GPC5: variants seen among roughly 807,000 people sequenced by gnomAD.
GPC5 encodes glypican 5.
A neutral mutation model predicts 53.9 loss-of-function variants in GPC5; 47 were observed. The observed-to-expected ratio is 0.87, with a 90% CI of 0.69 to 1.11. The LOEUF (loss-of-function observed/expected upper bound fraction) is 1.11. Ranked by LOEUF, GPC5 falls within the 50% of genes most tolerant of loss-of-function variation. The probability of loss-of-function intolerance (pLI) is 0.00; values close to 1 mark genes in which losing one functional copy is unlikely to be tolerated. For missense variants in GPC5, 748 were observed against 713.1 expected (o/e 1.05, Z -0.56); for synonymous variants, 286 against 263.3 (o/e 1.09, Z -0.84).
chr13:91,928,258 C>A (rs1456260607), intron 6 of GPC5, among the ~76,000 whole-genome samples: 1 of 152,190 alleles, frequency 6.6e-6, no homozygotes, highest in Non-Finnish European at 1.5e-5. Context: ...CTTGGAGACA[C>A]TAGTTGAAGT....
chr13:92,356,135 T>A (rs1289674882), intron 7 of GPC5, among the ~76,000 whole-genome samples: 5 of 152,288 alleles, frequency 3.3e-5, no homozygotes, highest in Admixed American at 3.3e-4. Context: ...TCCAGTGTAC[T>A]CCTAATGTAT....
At chr13:92,152,713 T>C (rs1044800692) in intron 7 of GPC5, among the ~76,000 whole-genome samples, 2 of 137,592 alleles carry the variant, frequency 1.5e-5, no homozygotes, top group Non-Finnish European at 3.0e-5. Context: ...CATTCCAGCC[T>C]GGGCGACAGA....
chr13:92,025,691 G>A (rs771514014), intron 6 of GPC5, among the ~76,000 whole-genome samples: 1 of 152,102 alleles, frequency 6.6e-6, no homozygotes, highest in South Asian at 2.1e-4. Flanking sequence ...CACTTCCATC[G>A]TCTTTGGTGT....
At chr13:91,563,053 A>G (rs1337999166) in intron 2 of GPC5, among the ~76,000 whole-genome samples, 1 of 152,120 alleles carries the variant, frequency 6.6e-6, no homozygotes, top group African/African-American at 2.4e-5. Flanking sequence ...TAGGTTTATT[A>G]CTATTGGCAC....
intron 7 of GPC5, among the ~76,000 whole-genome samples, chr13:92,301,489 T>G (rs943043627): frequency 6.6e-6 from 1 of 152,206 alleles, no homozygotes; most frequent in Non-Finnish European, 1.5e-5. Context: ...CTTCATTTAT[T>G]AGCTTTCTGA....
At chr13:91,443,968 A>T (rs1880616453) in intron 1 of GPC5, among the ~76,000 whole-genome samples, 5 of 152,332 alleles carry the variant, frequency 3.3e-5, no homozygotes, top group Admixed American at 3.3e-4. Flanking sequence ...ATCCCATATT[A>T]GACTCACAAC....
At chr13:92,852,916 A>C (rs1594550972) in intron 7 of GPC5, among the ~76,000 whole-genome samples, 1 of 152,250 alleles carries the variant, frequency 6.6e-6, no homozygotes, top group African/African-American at 2.4e-5. Context: ...TTCCAGCCTG[A>C]CCTACCTTAT....
chr13:92,643,836 C>A (rs12872280), intron 7 of GPC5, among the ~76,000 whole-genome samples: 50,690 of 150,002 alleles, frequency 0.34, 9,771 homozygotes, highest in Non-Finnish European at 0.45. Flanking sequence ...ATGTAACTAA[C>A]CTGCACAATG....
At chr13:92,589,386 C>T (rs1057032578) in intron 7 of GPC5, among the ~76,000 whole-genome samples, 1 of 152,114 alleles carries the variant, frequency 6.6e-6, no homozygotes, top group Non-Finnish European at 1.5e-5. Flanking sequence ...GTTTTTCATC[C>T]CTGAGGCTAG....
At chr13:92,049,612 G>A (rs757939916) in intron 6 of GPC5, among the ~76,000 whole-genome samples, 5 of 152,068 alleles carry the variant, frequency 3.3e-5, no homozygotes, top group Non-Finnish European at 7.4e-5. Context: ...GGCAGGGTGG[G>A]AAAGATACTC....
At chr13:92,351,013 T>C (rs573871759) in intron 7 of GPC5, among the ~76,000 whole-genome samples, 1 of 152,166 alleles carries the variant, frequency 6.6e-6, no homozygotes, top group East Asian at 1.9e-4. Flanking sequence ...CAGTATAAAG[T>C]CATATAGCCA....
At chr13:91,525,759 T>C (rs1886056438) in intron 2 of GPC5, among the ~76,000 whole-genome samples, 1 of 152,318 alleles carries the variant, frequency 6.6e-6, no homozygotes, top group East Asian at 1.9e-4. Context: ...TTCACTGCAA[T>C]TACTGTAGTG....
At chr13:92,627,271 A>T (rs1363639895) in intron 7 of GPC5, among the ~76,000 whole-genome samples, 1 of 152,162 alleles carries the variant, frequency 6.6e-6, no homozygotes, top group African/African-American at 2.4e-5. Context: ...GAAATACTTC[A>T]TTTTCCCAAT....
chr13:91,684,742 T>C (rs1225826604), intron 2 of GPC5, among the ~76,000 whole-genome samples: 1 of 152,198 alleles, frequency 6.6e-6, no homozygotes, highest in African/African-American at 2.4e-5. Flanking sequence ...CTTTAAGACA[T>C]GAACAGCATC....
chr13:91,541,462 C>T lies in GPC5; in HGVS notation c.325+92540C>T, dbSNP rs542135142. ...ATACTAGGTTTCATGTGAGGGCAAT[C>T]TATAGTATTCCCAATTTTGTCAAGT... On this transcript the variant is annotated intron_variant, in intron 2 of 7. Transcript: ENST00000377067. 1.4e-4 allele frequency among the ~76,000 whole-genome samples: 22 copies of T among 152,168 alleles called. 1 individual carries two copies. The South Asian group carries it at 2.5e-3, about 17-fold the overall frequency.
At chr13:92,533,593 C>G (rs1213470961) in intron 7 of GPC5, among the ~76,000 whole-genome samples, 1 of 152,044 alleles carries the variant, frequency 6.6e-6, no homozygotes, top group Non-Finnish European at 1.5e-5. Context: ...TCCTCAGCCC[C>G]ATGTCTTGGT....
intron 7 of GPC5, among the ~76,000 whole-genome samples, chr13:92,300,897 A>C (rs1038055311): frequency 6.6e-6 from 1 of 152,230 alleles, no homozygotes; most frequent in Non-Finnish European, 1.5e-5. Flanking sequence ...AGGCATCAGC[A>C]AATGTAATGT....
rs1294212080 is a variant in GPC5, at chr13:92,086,653, C to CT, written c.1402-58167dup. Among the ~76,000 whole-genome samples the CT allele has an allele frequency of 8.8e-4, 132 of 149,522 alleles. No individual in the cohort carries two copies. In the South Asian group the frequency reaches 9.2e-3, roughly 10 times the overall value. ...ATTTACCAAACCTGTCTCTCTCTCT[C>CT]TTTTTTTTTTCTTTCTTTCTTTTGA... On this transcript the variant is annotated intron_variant, in intron 6 of 7. Transcript: ENST00000377067.
intron 7 of GPC5, among the ~76,000 whole-genome samples, chr13:92,838,316 C>G (rs1253507237): frequency 2.0e-5 from 3 of 151,662 alleles, no homozygotes; most frequent in Admixed American, 6.6e-5. Context: ...AACCCCGTCT[C>G]TACTAAAAAT....
Sources: gnomAD v4.1 joint callset for allele counts (sites outside exome capture counted in the v4.1 genomes callset) on GRCh38, gnomAD v4.1.1 for gene constraint, MANE v1.5 for transcripts, NCBI Gene and HGNC (gene_info 2026-07-23, HGNC 2026-07-21) for gene names.